Variants in MAPK14 observed in about 807,000 individuals in gnomAD.
MAPK14 encodes the protein CSAID-binding protein.
Under a neutral mutation model 49.6 loss-of-function variants are expected in MAPK14, and 16 were observed. The observed-to-expected ratio is 0.32, with a 90% CI of 0.22 to 0.49. The LOEUF is 0.49. Ranked by LOEUF, MAPK14 falls within the 20% of genes least tolerant of loss-of-function variation. The pLI, the probability that MAPK14 is intolerant of heterozygous loss-of-function variation, is 0.99. For missense variants in MAPK14, 200 were observed against 441.2 expected, an observed-to-expected ratio of 0.45 and a Z score of 4.90; for synonymous variants, 142 against 158.0, an observed-to-expected ratio of 0.90 and a Z score of 0.76.
intron 2 of MAPK14, among the ~76,000 whole-genome samples, chr6:36,055,686 CTT>C (rs1352247497): frequency 6.6e-6 from 1 of 151,478 alleles, no homozygotes; most frequent in Non-Finnish European, 1.5e-5. Flanking sequence ...AATCCTAGCA[CTT>C]TGGGAGGCCA....
the MAPK14 span, among the ~76,000 whole-genome samples, chr6:36,121,613 C>T: frequency 6.6e-6 from 1 of 152,242 alleles, no homozygotes; most frequent in South Asian, 2.1e-4. Context: ...CCTGTTGCCA[C>T]ACCTGTGCTC....
At position 36,109,519 on chromosome 6, in the gene MAPK14, A is replaced by T. The variant is rs201655496; in HGVS notation, c.*1072A>T. On this transcript the variant is annotated 3_prime_UTR_variant, in exon 12 of 12. Transcript: ENST00000229794. ...ACCTCAGCTGATATTATGGCAAGTG[A>T]TATCACCTCTCTTCAGCCCCTAGTG... is the stretch of plus-strand genomic sequence containing the variant. The T allele has an allele frequency of 6.6e-6, 1 of 152,626 alleles. No homozygotes were observed. The highest frequency in any genetic ancestry group is 1.5e-5 in the Non-Finnish European group (1 of 68,032). The allele number at this position is 152,626 out of a possible 1,614,324, so 9.5% of individuals were successfully genotyped here.
intron 8 of MAPK14, chr6:36,092,567 C>A (rs1765279715): frequency 2.1e-5 from 10 of 477,386 alleles, no homozygotes; most frequent in South Asian, 1.5e-4. Context: ...CAAGTTTGAC[C>A]CATTTTCCTT....
chr6:36,075,582 C>G (rs537252110), intron 6 of MAPK14, among the ~76,000 whole-genome samples: 1 of 152,220 alleles, frequency 6.6e-6, no homozygotes, highest in South Asian at 2.1e-4. Flanking sequence ...ATGTGCAAAC[C>G]TTTGTATGGA....
intron 1 of MAPK14, among the ~76,000 whole-genome samples, chr6:36,037,587 G>A (rs1480623465): frequency 6.6e-6 from 1 of 152,132 alleles, no homozygotes; most frequent in Non-Finnish European, 1.5e-5. Flanking sequence ...TAATCTCCTT[G>A]AGGACAGGAC....
At chr6:36,034,819 C>T (rs529440703) in intron 1 of MAPK14, among the ~76,000 whole-genome samples, 2 of 151,636 alleles carry the variant, frequency 1.3e-5, no homozygotes, top group South Asian at 4.2e-4. Flanking sequence ...AGTCTTTTGG[C>T]ACCATTTTTC....
chr6:36,064,270 G>GCCCCCCC (rs3045917), intron 3 of MAPK14, among the ~76,000 whole-genome samples: 10 of 124,752 alleles, frequency 8.0e-5, no homozygotes, highest in South Asian at 3.2e-4. Context: ...GAGCCACCAT[G>GCCCCCCC]CCCCCCCCCA....
intron 1 of MAPK14, among the ~76,000 whole-genome samples, chr6:36,040,547 C>G (rs910871863): frequency 6.6e-6 from 1 of 152,164 alleles, no homozygotes; most frequent in Non-Finnish European, 1.5e-5. Context: ...AAGGTCCTAG[C>G]TATAACCCAA....
chr6:36,062,138 A>G (rs1763846788), intron 3 of MAPK14, among the ~76,000 whole-genome samples: 2 of 151,996 alleles, frequency 1.3e-5, no homozygotes, highest in African/African-American at 4.8e-5. Flanking sequence ...CACCATGTCC[A>G]GCTAATTTTT....
intron 8 of MAPK14, 38 bp from the exon 9 acceptor site, chr6:36,095,949 A>G (rs777918163): frequency 8.0e-7 from 1 of 1,244,890 alleles, no homozygotes; most frequent in Non-Finnish European, 1.2e-6. Flanking sequence ...TTTCATTTTT[A>G]TTTTGTCCCA....
intron 3 of MAPK14, among the ~76,000 whole-genome samples, chr6:36,060,943 AC>A (rs1763796810): frequency 6.6e-6 from 1 of 152,196 alleles, no homozygotes; most frequent in Admixed American, 6.5e-5. Flanking sequence ...ATAGCCAATA[AC>A]TAAGAAAAAT....
intron 10 of MAPK14, among the ~76,000 whole-genome samples, chr6:36,104,754 C>T (rs569709969): frequency 7.2e-5 from 11 of 152,254 alleles, no homozygotes; most frequent in African/African-American, 2.2e-4. Flanking sequence ...AAGTTTTGAA[C>T]AGGGCAGTAC....
chr6:36,099,843 C>T (rs1021248093), intron 9 of MAPK14, among the ~76,000 whole-genome samples: 1 of 152,206 alleles, frequency 6.6e-6, no homozygotes, highest in Non-Finnish European at 1.5e-5. Context: ...CTCCCACAAA[C>T]AGGTTTTGGC....
chr6:36,118,392 A>T, the MAPK14 span, among the ~76,000 whole-genome samples: 1 of 152,192 alleles, frequency 6.6e-6, no homozygotes, highest in Admixed American at 6.5e-5. Flanking sequence ...TTTTCATGGG[A>T]AAAGGCAGTG....
intron 8 of MAPK14, among the ~76,000 whole-genome samples, chr6:36,081,997 C>T (rs956623882): frequency 7.9e-5 from 12 of 151,352 alleles, no homozygotes; most frequent in African/African-American, 2.2e-4. Context: ...ATTTTTGCTG[C>T]GATTATAGAT....
intron 1 of MAPK14, among the ~76,000 whole-genome samples, chr6:36,042,325 T>C (rs957632040): frequency 5.9e-5 from 9 of 152,036 alleles, no homozygotes; most frequent in African/African-American, 2.2e-4. Flanking sequence ...CTTGGTGGAG[T>C]GTAAAGAATG....
At chr6:36,119,514 A>G in the MAPK14 span, among the ~76,000 whole-genome samples, 3 of 152,216 alleles carry the variant, frequency 2.0e-5, no homozygotes, top group Non-Finnish European at 4.4e-5. Context: ...ACAAACCTCA[A>G]ACACCATCAA....
At chr6:36,049,889 A>G (rs936383854) in intron 1 of MAPK14, among the ~76,000 whole-genome samples, 1 of 152,162 alleles carries the variant, frequency 6.6e-6, no homozygotes, top group African/African-American at 2.4e-5. Flanking sequence ...GGTGGAGACG[A>G]TGGGTTTATA....
chr6:36,052,550 G>A (rs1763442827), intron 1 of MAPK14, 149 bp from the exon 2 acceptor site: 3 of 547,942 alleles, frequency 5.5e-6, no homozygotes, highest in African/African-American at 3.9e-5. Context: ...TTGGATAATG[G>A]GATAATAGGT....
Sources: gnomAD v4.1 joint callset for allele counts (sites outside exome capture counted in the v4.1 genomes callset) on GRCh38, gnomAD v4.1.1 for gene constraint, MANE v1.5 for transcripts, NCBI Gene and HGNC (gene_info 2026-07-23, HGNC 2026-07-21) for gene names.